The following RTBDN variants were observed in gnomAD, a reference collection of about 807,000 sequenced individuals.
RTBDN encodes retbindin.
RTBDN carries 24 observed loss-of-function variants against 21.9 expected under a neutral mutation model. That is an observed-to-expected ratio of 1.10 (90% CI 0.79 to 1.54). RTBDN has a LOEUF of 1.54. RTBDN is among the 40% of genes most tolerant of loss of function. RTBDN has a pLI of 0.00. For missense variants in RTBDN, 325 were observed against 315.2 expected (o/e 1.03, Z -0.23); for synonymous variants, 141 against 125.9 (o/e 1.12, Z -0.80).
intron 1 of RTBDN, chr19:12,832,824 G>C (rs3745648): frequency 0.34 from 51,148 of 152,134 alleles, 9,971 homozygotes; most frequent in African/African-American, 0.51. Flanking sequence ...AGGGGTCGCT[G>C]TTACCCAGCG....
At chr19:12,833,750 G>T (rs1212976301) in intron 1 of RTBDN, among the ~76,000 whole-genome samples, 2 of 84,620 alleles carry the variant, frequency 2.4e-5, no homozygotes, top group African/African-American at 4.7e-5. Context: ...CGCCAGCGCG[G>T]GCAGCGGTGG....
chr19:12,826,023 T>C (rs1352617305), intron 5 of RTBDN, 90 bp from the exon 6 acceptor site: 1 of 1,442,656 alleles, frequency 6.9e-7, no homozygotes. Flanking sequence ...GTAAATTCCT[T>C]AGGGATTGGG....
upstream of RTBDN, chr19:12,834,872 G>A (rs374161379): frequency 6.8e-6 from 11 of 1,612,968 alleles, no homozygotes; most frequent in African/African-American, 4.0e-5. This position sits in a 1 kb window ranked among gnomAD's most constrained non-coding sequence, Gnocchi z 4.7. Flanking sequence ...GGAAGTTCAG[G>A]GTTAATACGG....
Position 12,834,449 on chromosome 19 carries a change from C to T in RTBDN, c.-19+40G>A. 1.4e-6 allele frequency: 2 copies of T among 1,468,904 alleles called. No individual in the cohort carries two copies. The highest frequency in any genetic ancestry group is 1.8e-6 in the Non-Finnish European group (2 of 1,086,274). 91.0% of individuals were successfully genotyped at this position (1,468,904 alleles called of 1,614,324 possible). ...CCTCGCCCCTCACCACCCCAGGAGC[C>T]CCCTCCCGAGGCATAGGACGCCCTG... On this transcript the variant is annotated intron_variant, in intron 1 of 5. Transcript: ENST00000674343. This position sits in a 1 kb window ranked among gnomAD's most constrained non-coding sequence, Gnocchi z 4.7.
chr19:12,825,888 C>A lies in RTBDN; in HGVS notation c.508G>T (p.Ala170Ser). Residue 170 changes from alanine (A) to serine (S), a missense_variant, in exon 6 of 6, where the codon GCC becomes TCC. By Grantham distance (99) the Ala-to-Ser change is moderately conservative (BLOSUM62 1). Coordinates refer to ENST00000674343, the MANE Select transcript of RTBDN (RefSeq NM_001270441.2). Reference sequence around the variant, plus strand: ...GCTCCAGGAGCAGCCACCGGTAGGGCGTGGCCCAGAGCCGAGCGACAAAGG... The same window carrying A: ...GCTCCAGGAGCAGCCACCGGTAGGGAGTGGCCCAGAGCCGAGCGACAAAGG... The part of the protein sequence containing the change: ...TDLCRSALGH[A>S]LPVAAPGARH... 6.2e-7 allele frequency: 1 copy of A among 1,612,588 alleles called. No homozygotes were observed. Among genetic ancestry groups the A allele is most frequent in the Non-Finnish European group, 8.5e-7 (1 of 1,179,380 alleles).
chr19:12,826,222 C>A, intron 5 of RTBDN: 1 of 1,315,876 alleles, frequency 7.6e-7, no homozygotes. Flanking sequence ...CTGGGTCCTC[C>A]AGGGTAAAAT....
intron 2 of RTBDN, 46 bp downstream of exon 2, chr19:12,829,765 G>A: frequency 6.4e-7 from 1 of 1,570,104 alleles, no homozygotes; most frequent in South Asian, 1.1e-5. Context: ...CAGGGTAGGT[G>A]TGGGTTTCTG....
chr19:12,825,572 G>A lies in RTBDN; in HGVS notation c.*134C>T, dbSNP rs978246830. On this transcript the variant is annotated 3_prime_UTR_variant, in exon 6 of 6. Transcript: ENST00000674343. ...ATAACCTGGAGAGGGGTGGGTCTCT[G>A]GAGCTCCAGGGAGGAGGGACAGACA... 1.3e-5 allele frequency: 17 copies of A among 1,339,658 alleles called. No homozygotes were observed. The highest frequency in any genetic ancestry group is 2.8e-5 in the Admixed American group (1 of 35,104). 83.0% of individuals were successfully genotyped at this position (1,339,658 alleles called of 1,614,324 possible).
chr19:12,831,138 G>T (rs1301829788), intron 1 of RTBDN, among the ~76,000 whole-genome samples: 2 of 151,978 alleles, frequency 1.3e-5, no homozygotes, highest in Admixed American at 1.3e-4. Flanking sequence ...TAATAAATGT[G>T]AGAAGGGGAA....
rs771678133 is a variant in RTBDN, at chr19:12,828,703, C to T, written c.319G>A (p.Gly107Arg). The part of the protein sequence containing the change: ...LRSRFRLRLL[G>R]VRQAQPLCEE... ...CAGAGCGGCTGTGCCTGGCGTACCC[C>T]CAATAGCCGCAGGCGGAAGCGACTG... is the stretch of plus-strand genomic sequence containing the variant. Residue 107 changes from glycine (G) to arginine (R), a missense_variant, in exon 4 of 6, where the codon GGG becomes AGG. Gly to Arg is a moderately radical substitution (Grantham distance 125, BLOSUM62 -2). Coordinates refer to ENST00000674343, the MANE Select transcript of RTBDN (RefSeq NM_001270441.2). 2 of 1,614,234 alleles carry T rather than the reference C, an allele frequency of 1.2e-6. No individual in the cohort carries two copies. The highest frequency in any genetic ancestry group is 2.2e-5 in the East Asian group (1 of 44,888).
Position 12,830,629 on chromosome 19 carries a change from G to A in RTBDN, c.-18-632C>T. ...CCCCTCACCTGTTGGCTGGATTGGG[G>A]TCTAGAGGCCGCTAAGACACCTCAG... is the stretch of plus-strand genomic sequence containing the variant. On this transcript the variant is annotated intron_variant, in intron 1 of 5. Coordinates refer to ENST00000674343, the MANE Select transcript of RTBDN (RefSeq NM_001270441.2). The surrounding 1 kb of genome is among the most constrained non-coding windows in gnomAD (Gnocchi z 4.2). 3 of 985,618 alleles carry A rather than the reference G, an allele frequency of 3.0e-6. No individual in the cohort carries two copies. Among genetic ancestry groups the A allele is most frequent in the Non-Finnish European group, 3.6e-6 (3 of 830,078 alleles). 61.1% of individuals were successfully genotyped at this position (985,618 alleles called of 1,614,324 possible).
chr19:12,831,150 T>C (rs1398098666), intron 1 of RTBDN, among the ~76,000 whole-genome samples: 4 of 151,838 alleles, frequency 2.6e-5, no homozygotes, highest in East Asian at 1.9e-4. Flanking sequence ...GAAGGGGAAA[T>C]GTAGCATTGG....
intron 5 of RTBDN, 141 bp from the exon 6 acceptor site, chr19:12,826,074 A>G: frequency 7.1e-7 from 1 of 1,407,170 alleles, no homozygotes; most frequent in Non-Finnish European, 9.2e-7. Context: ...TATGTGCGGA[A>G]CGTGAGTGGG....
Position 12,826,830 on chromosome 19 carries a change from C to T in RTBDN, c.407G>A (p.Trp136Ter), listed in dbSNP as rs1262426362. Residue 136 changes from tryptophan (W) to a stop codon, truncating the protein, a stop_gained, in exon 5 of 6, where the codon TGG (tryptophan) becomes TAG (stop). Coordinates refer to ENST00000674343, the MANE Select transcript of RTBDN (RefSeq NM_001270441.2). LOFTEE classifies it high-confidence loss of function. The part of the protein sequence containing the change: ...CEDDITCGPT[W>*]LPLSEKRGCE... ...GCCCCTTTTTTCTGAGAGTGGGAGC[C>T]AAGTCGGGCCGCAGGTGATATCATC... The T allele has an allele frequency of 6.4e-7, 1 of 1,554,982 alleles. No homozygotes were observed. The highest frequency in any genetic ancestry group is 8.7e-7 in the Non-Finnish European group (1 of 1,149,610).
intron 5 of RTBDN, 95 bp from the exon 6 acceptor site, chr19:12,826,028 A>T: frequency 6.9e-7 from 1 of 1,441,248 alleles, no homozygotes; most frequent in East Asian, 2.6e-5. Context: ...TTCCTTAGGG[A>T]TTGGGGTCAG....
At chr19:12,832,136 GTA>G (rs1969596152) in intron 1 of RTBDN, among the ~76,000 whole-genome samples, 1 of 152,154 alleles carries the variant, frequency 6.6e-6, no homozygotes, top group South Asian at 2.1e-4. Flanking sequence ...TGTTTGTGGA[GTA>G]TATGTTTGCA....
In RTBDN at chr19:12,830,663, C is replaced by T. The variant is rs1465297230; in HGVS notation, c.-18-666G>A. ...CCGCTAAGACACCTCAGGATCCAGT[C>T]CAGGAAACTGGCTGCTGAAAGGGGC... is the stretch of plus-strand genomic sequence containing the variant. On this transcript the variant is annotated intron_variant, in intron 1 of 5. Coordinates refer to ENST00000674343, the MANE Select transcript of RTBDN (RefSeq NM_001270441.2). This position sits in a 1 kb window ranked among gnomAD's most constrained non-coding sequence, Gnocchi z 4.2. 1.0e-6 allele frequency: 1 copy of T among 985,456 alleles called. No homozygotes were observed. The highest frequency in any genetic ancestry group is 1.2e-6 in the Non-Finnish European group (1 of 830,042). 61.0% of individuals were successfully genotyped at this position (985,456 alleles called of 1,614,324 possible).
At chr19:12,834,620 G>C, upstream of RTBDN, 1 of 1,511,842 alleles carries the variant, frequency 6.6e-7, no homozygotes, top group Non-Finnish European at 8.9e-7. This position sits in a 1 kb window ranked among gnomAD's most constrained non-coding sequence, Gnocchi z 4.7. Context: ...AGCCCAGCTT[G>C]TGGGTGGGCG....
At position 12,826,772 on chromosome 19, in the gene RTBDN, C is replaced by G; in HGVS notation, c.462+3G>C. 1 of 1,541,128 alleles carries G rather than the reference C, an allele frequency of 6.5e-7. No individual in the cohort carries two copies. Among genetic ancestry groups the G allele is most frequent in the South Asian group, 1.2e-5 (1 of 83,854 alleles). On this transcript the variant is annotated splice_donor_region_variant and intron_variant, in intron 5 of 5. Coordinates refer to ENST00000674343, the MANE Select transcript of RTBDN (RefSeq NM_001270441.2). ...TTCCCTTCACCTTCTGCCCCACGCT[C>G]ACCTGTCCATAGGTAAGGCAGCTGG...
Sources: gnomAD v4.1 joint callset for allele counts (sites outside exome capture counted in the v4.1 genomes callset) on GRCh38, gnomAD v4.1.1 for gene constraint, Gnocchi (gnomAD v3.1) non-coding constraint, MANE v1.5 for transcripts, NCBI Gene and HGNC (gene_info 2026-07-23, HGNC 2026-07-21) for gene names.